Variants in ADAMTS9 observed in about 807,000 individuals in gnomAD.
ADAMTS9 encodes the protein ADAM metallopeptidase with thrombospondin type 1 motif 9.
ADAMTS9 carries 107 observed loss-of-function variants against 257.1 expected under a neutral mutation model. The observed-to-expected ratio is 0.42, with a 90% CI of 0.36 to 0.49. The LOEUF (loss-of-function observed/expected upper bound fraction) is 0.49, where lower values mean the gene tolerates loss of function less well. Ranked by LOEUF, ADAMTS9 falls within the 20% of genes least tolerant of loss-of-function variation. The pLI is 0.03. For synonymous variants in ADAMTS9, 982 were observed against 880.9 expected, an observed-to-expected ratio of 1.11 and a Z score of -2.03; for missense variants, 2,353 against 2,469.1, an observed-to-expected ratio of 0.95 and a Z score of 1.00.
rs536474746 is a variant in ADAMTS9 at position 64,545,602 on chromosome 3, C to A, written c.5064+1156G>T. 2.0e-5 allele frequency among the ~76,000 whole-genome samples: 3 copies of A among 152,086 alleles called. No homozygotes were observed. In the East Asian group the frequency reaches 5.8e-4, roughly 29 times the overall value. On this transcript the variant is annotated intron_variant, in intron 32 of 39. Transcript: ENST00000498707. ...GGTGGGGAACATCACATACCGGGGC[C>A]TGTCATGGAGTTGGGGGCAGGGGGA... is the stretch of plus-strand genomic sequence containing the variant.
In ADAMTS9 at chr3:64,539,225, T is replaced by C. The variant is rs2083090341; in HGVS notation, c.5591A>G (p.Tyr1864Cys). 4 of 1,613,864 alleles carry C rather than the reference T, an allele frequency of 2.5e-6. No homozygotes were observed. The highest frequency in any genetic ancestry group is 1.3e-5 in the African/African-American group (1 of 74,910). Reference sequence around the variant, plus strand: ...TACCTGTGGGCACTTGGCAGCGCTGTAGCAATCCCCGGCTGTGGCAAAAGG... The same window carrying C: ...TACCTGTGGGCACTTGGCAGCGCTGCAGCAATCCCCGGCTGTGGCAAAAGG... Reference protein sequence around the residue: ...PVPFATAGDCYSAAKCPQGRF... With the variant: ...PVPFATAGDCCSAAKCPQGRF... The change falls in exon 37 of 40, where the codon TAC (tyrosine) becomes TGC (cysteine). Residue 1864 changes from tyrosine (Y) to cysteine (C), a missense_variant. Physicochemically the swap from Tyr to Cys is radical, Grantham distance 194 (BLOSUM62 -2). This residue lies in a region of ADAMTS9 where 1,402 missense variants were observed against 1,441.4 expected (regional missense o/e 0.97). Transcript: ENST00000498707.
chr3:64,613,294 C>T, intron 22 of ADAMTS9, 51 bp downstream of exon 22: 1 of 1,587,364 alleles, frequency 6.3e-7, no homozygotes, highest in African/African-American at 1.3e-5. Flanking sequence ...AAGTCCTCTC[C>T]AGATAAGAAG....
At position 64,658,810 on chromosome 3, in the gene ADAMTS9, T is replaced by C; in HGVS notation, c.680-19A>G. On this transcript the variant is annotated intron_variant, in intron 3 of 39. Coordinates refer to ENST00000498707, the MANE Select transcript of ADAMTS9 (RefSeq NM_182920.2). ...TTGTGTTCTGTAACAAATCAGATGG[T>C]ATGCATTACATTTCAAGCCACATCT... is the stretch of plus-strand genomic sequence containing the variant. 3 of 1,595,198 alleles carry C rather than the reference T, an allele frequency of 1.9e-6. No homozygotes were observed. Among genetic ancestry groups the C allele is most frequent in the Non-Finnish European group, 2.6e-6 (3 of 1,171,276 alleles).
intron 23 of ADAMTS9, among the ~76,000 whole-genome samples, chr3:64,605,268 G>A (rs1213376632): frequency 2.0e-5 from 3 of 152,154 alleles, no homozygotes; most frequent in African/African-American, 7.2e-5. Flanking sequence ...ATAACTTAAA[G>A]GGAAATATAT....
chr3:64,681,397 C>T (rs193152678), intron 2 of ADAMTS9, 34 bp from the exon 3 acceptor site: 176 of 1,579,096 alleles, frequency 1.1e-4, no homozygotes, highest in African/African-American at 1.1e-3. Context: ...GTTGATTTAA[C>T]GTAACTCAGT....
At chr3:64,620,718 G>A (rs916296121) in intron 19 of ADAMTS9, among the ~76,000 whole-genome samples, 1 of 152,078 alleles carries the variant, frequency 6.6e-6, no homozygotes, top group African/African-American at 2.4e-5. Context: ...TCTACTGGGT[G>A]GTATACACTC....
intron 21 of ADAMTS9, among the ~76,000 whole-genome samples, chr3:64,614,610 T>C (rs2084726068): frequency 6.6e-6 from 1 of 152,194 alleles, no homozygotes; most frequent in African/African-American, 2.4e-5. Context: ...TTAAGGAACG[T>C]GGAGTGAGTC....
Position 64,593,352 on chromosome 3 carries a change from T to C in ADAMTS9, c.4356+906A>G, listed in dbSNP as rs898211430. Among the ~76,000 whole-genome samples, 75 of 152,186 alleles carry C rather than the reference T, an allele frequency of 4.9e-4. 2 individuals are homozygous for C. The highest frequency in any genetic ancestry group is 2.6e-4 in the Admixed American group (4 of 15,286). Reference sequence around the variant, plus strand: ...TGGTTAAGACTTCTGAGAACCATACTGGGTAAAAAAACATTCTGGATATGA... The same window carrying C: ...TGGTTAAGACTTCTGAGAACCATACCGGGTAAAAAAACATTCTGGATATGA... On this transcript the variant is annotated intron_variant, in intron 28 of 39. Transcript: ENST00000498707.
rs550737098 is a variant in ADAMTS9, at chr3:64,518,469, G to A, written c.*6-1348C>T. On this transcript the variant is annotated intron_variant, in intron 39 of 39. Coordinates refer to ENST00000498707, the MANE Select transcript of ADAMTS9 (RefSeq NM_182920.2). The stretch of plus-strand genomic sequence containing the variant: ...GATGATAAAAAGACTGACCAGTTCC[G>A]TCTTTTACTCAGCAGAAGAATCACC... Among the ~76,000 whole-genome samples the A allele has an allele frequency of 1.5e-3, 228 of 152,206 alleles. 1 individual carries two copies. Among genetic ancestry groups the A allele is most frequent in the Admixed American group, 4.2e-3 (64 of 15,276 alleles).
chr3:64,615,642 G>C (rs1285980551), intron 20 of ADAMTS9, among the ~76,000 whole-genome samples, 157 bp from the exon 21 acceptor site: 2 of 151,928 alleles, frequency 1.3e-5, no homozygotes, highest in African/African-American at 4.8e-5. Context: ...TTATCAGTTT[G>C]CTTACCAGGT....
intron 39 of ADAMTS9, among the ~76,000 whole-genome samples, chr3:64,519,628 G>A (rs2082824949): frequency 6.6e-6 from 1 of 152,118 alleles, no homozygotes; most frequent in African/African-American, 2.4e-5. Flanking sequence ...TTCTTGGCAG[G>A]CAAGGATCAT....
chr3:64,576,799 A>G (rs1385255365), intron 28 of ADAMTS9, among the ~76,000 whole-genome samples: 1 of 152,184 alleles, frequency 6.6e-6, no homozygotes, highest in East Asian at 1.9e-4. Context: ...ACCAAGATTC[A>G]CATGTCAACT....
At chr3:64,553,645 T>C (rs1033931922) in intron 30 of ADAMTS9, among the ~76,000 whole-genome samples, 2 of 152,178 alleles carry the variant, frequency 1.3e-5, no homozygotes, top group African/African-American at 4.8e-5. Context: ...AGGGATATGC[T>C]GGCATTTCCT....
intron 16 of ADAMTS9, among the ~76,000 whole-genome samples, chr3:64,629,297 A>G (rs938842961): frequency 1.3e-5 from 2 of 152,198 alleles, no homozygotes; most frequent in African/African-American, 4.8e-5. Flanking sequence ...ACATAAATGC[A>G]GTAAGACGTC....
In ADAMTS9 at chr3:64,604,747, C is replaced by T. The variant is rs114054272; in HGVS notation, c.3475-416G>A. Among the ~76,000 whole-genome samples, 311 of 152,338 alleles carry T rather than the reference C, an allele frequency of 2.0e-3. 1 individual carries two copies. Among genetic ancestry groups the T allele is most frequent in the South Asian group, 0.019 (90 of 4,828 alleles). ...AATTTCTTAATCAGAATTTGCTAAT[C>T]ATGAACTTGCTTTCCCTGTTTGCCC... On this transcript the variant is annotated intron_variant, in intron 23 of 39. Coordinates refer to ENST00000498707, the MANE Select transcript of ADAMTS9 (RefSeq NM_182920.2).
chr3:64,548,250 G>A (rs2083227185), intron 31 of ADAMTS9, among the ~76,000 whole-genome samples: 1 of 152,188 alleles, frequency 6.6e-6, no homozygotes. Context: ...GAGAGAACAA[G>A]TCCAGCTAGA....
intron 38 of ADAMTS9, among the ~76,000 whole-genome samples, chr3:64,530,050 C>G (rs1211686485): frequency 7.4e-6 from 1 of 134,298 alleles, no homozygotes; most frequent in African/African-American, 2.8e-5. Context: ...TCTTGAATTC[C>G]TGGGCTCAAG....
intron 28 of ADAMTS9, among the ~76,000 whole-genome samples, chr3:64,586,051 T>C (rs1018535197): frequency 2.5e-4 from 38 of 152,128 alleles, no homozygotes; most frequent in African/African-American, 8.9e-4. Context: ...GATTATATCT[T>C]GGCTTAAACC....
intron 28 of ADAMTS9, among the ~76,000 whole-genome samples, chr3:64,579,296 CT>C (rs1473290110): frequency 6.6e-6 from 1 of 152,134 alleles, no homozygotes; most frequent in East Asian, 1.9e-4. Flanking sequence ...ACATGGCTTC[CT>C]TTTGTATTTT....
Sources: allele counts gnomAD v4.1 joint callset (sites outside exome capture counted in the v4.1 genomes callset), GRCh38; gene constraint gnomAD v4.1.1; regional missense constraint gnomAD v4.1.1; transcripts MANE v1.5; gene names NCBI Gene and HGNC (gene_info 2026-07-23, HGNC 2026-07-21).